Variants in GRB14 observed in about 807,000 individuals in gnomAD.
GRB14 encodes the protein growth factor receptor-bound protein 14.
A neutral mutation model predicts 69.1 loss-of-function variants in GRB14; 38 were observed. The ratio of observed to expected loss-of-function variants is 0.55; its 90% CI spans 0.42 to 0.72. GRB14 has a LOEUF of 0.72. Among genes scored for constraint, GRB14 ranks in the 30% least tolerant of loss-of-function variants. GRB14 has a pLI of 0.00. For missense variants in GRB14, 666 were observed against 666.1 expected (o/e 1.00, Z 0.00); for synonymous variants, 247 against 241.3 (o/e 1.02, Z -0.22).
chr2:164,537,667 T>C (rs1688112961), intron 3 of GRB14, among the ~76,000 whole-genome samples: 1 of 152,174 alleles, frequency 6.6e-6, no homozygotes, highest in African/African-American at 2.4e-5. Context: ...CCTGAATTCA[T>C]GTAGCCGAGG....
intron 2 of GRB14, among the ~76,000 whole-genome samples, chr2:164,572,312 C>T (rs1177805104): frequency 6.6e-6 from 1 of 152,206 alleles, no homozygotes; most frequent in East Asian, 1.9e-4. Flanking sequence ...TTCAACGAAG[C>T]TCCCAAAAGC....
chr2:164,556,041 AAC>A (rs1372159527), intron 2 of GRB14, among the ~76,000 whole-genome samples: 1 of 152,178 alleles, frequency 6.6e-6, no homozygotes, highest in Non-Finnish European at 1.5e-5. Context: ...ATAAATAAGA[AAC>A]ACAGTGTCCT....
chr2:164,512,028 CAG>C (rs1366229166), intron 6 of GRB14, among the ~76,000 whole-genome samples: 1 of 152,098 alleles, frequency 6.6e-6, no homozygotes, highest in Non-Finnish European at 1.5e-5. Context: ...TAATAGTGGC[CAG>C]AGGTGAGGCT....
intron 2 of GRB14, among the ~76,000 whole-genome samples, chr2:164,553,461 G>A (rs1235308515): frequency 6.7e-6 from 1 of 150,234 alleles, no homozygotes; most frequent in African/African-American, 2.5e-5. Flanking sequence ...TCCATTTCAA[G>A]CCCTTATTTT....
At chr2:164,582,924 C>T (rs952926747) in intron 2 of GRB14, among the ~76,000 whole-genome samples, 1 of 151,992 alleles carries the variant, frequency 6.6e-6, no homozygotes, top group Non-Finnish European at 1.5e-5. Flanking sequence ...GTCTTTATGC[C>T]CTCTCCCTTC....
chr2:164,576,173 C>T (rs182088174), intron 2 of GRB14, among the ~76,000 whole-genome samples: 363 of 150,814 alleles, frequency 2.4e-3, no homozygotes, highest in Middle Eastern at 0.01. Flanking sequence ...GTCTCGGTGT[C>T]ATATAGTACA....
chr2:164,569,609 C>A (rs1158016235), intron 2 of GRB14, among the ~76,000 whole-genome samples: 1 of 152,160 alleles, frequency 6.6e-6, no homozygotes, highest in East Asian at 1.9e-4. Context: ...TTGACTGCTA[C>A]TAGGCAGTGT....
chr2:164,596,707 G>A (rs1689790456), intron 2 of GRB14, among the ~76,000 whole-genome samples: 1 of 152,136 alleles, frequency 6.6e-6, no homozygotes, highest in Admixed American at 6.5e-5. Flanking sequence ...GGAATAATAT[G>A]TTCTTCAACT....
intron 2 of GRB14, among the ~76,000 whole-genome samples, chr2:164,588,264 G>C (rs916877375): frequency 2.6e-5 from 4 of 152,142 alleles, no homozygotes; most frequent in Non-Finnish European, 5.9e-5. Context: ...CCCAGCCAAG[G>C]GTGGGAAAGA....
chr2:164,566,783 G>A (rs1046773249), intron 2 of GRB14, among the ~76,000 whole-genome samples: 1 of 151,828 alleles, frequency 6.6e-6, no homozygotes, highest in African/African-American at 2.4e-5. Flanking sequence ...AAAATATTTG[G>A]TTCACAGAAT....
At chr2:164,593,403 T>C (rs116306317) in intron 2 of GRB14, among the ~76,000 whole-genome samples, 2,314 of 152,280 alleles carry the variant, frequency 0.015, 62 homozygotes, top group African/African-American at 0.053. Flanking sequence ...GAGAATGAAT[T>C]GGAACTCTTA....
chr2:164,563,065 T>C (rs1401717006), intron 2 of GRB14, among the ~76,000 whole-genome samples: 1 of 152,122 alleles, frequency 6.6e-6, no homozygotes, highest in Non-Finnish European at 1.5e-5. Flanking sequence ...CAATGCCCAC[T>C]ACCACTTCAC....
rs78993240 is a variant in GRB14, at chr2:164,538,857, T to C, written c.481+8803A>G. On this transcript the variant is annotated intron_variant, in intron 3 of 13. Coordinates refer to ENST00000263915, the MANE Select transcript of GRB14 (RefSeq NM_004490.3). ...TATCTGGCTCTGCTATAAGGTGAAC[T>C]GGGTTGGCTCAGTTCAATCTCAGTA... is the stretch of plus-strand genomic sequence containing the variant. Among the ~76,000 whole-genome samples the C allele has an allele frequency of 6.6e-3, 1,010 of 152,234 alleles. 11 individuals are homozygous for C. The highest frequency in any genetic ancestry group is 0.023 in the African/African-American group (973 of 41,532).
intron 2 of GRB14, among the ~76,000 whole-genome samples, chr2:164,560,734 T>C (rs1688803509): frequency 6.6e-6 from 1 of 152,080 alleles, no homozygotes; most frequent in African/African-American, 2.4e-5. Flanking sequence ...ATAATTTCAG[T>C]TTTCAAACTG....
chr2:164,538,962 G>A (rs1227858827), intron 3 of GRB14, among the ~76,000 whole-genome samples: 1 of 152,080 alleles, frequency 6.6e-6, no homozygotes, highest in African/African-American at 2.4e-5. Context: ...GCATTCCTGA[G>A]AGAGATGTAG....
At chr2:164,563,648 G>A (rs1688890991) in intron 2 of GRB14, among the ~76,000 whole-genome samples, 1 of 152,218 alleles carries the variant, frequency 6.6e-6, no homozygotes, top group Admixed American at 6.5e-5. Flanking sequence ...AAGGAGTTCA[G>A]TTGCCTGAGG....
intron 2 of GRB14, among the ~76,000 whole-genome samples, chr2:164,576,839 A>G (rs988718632): frequency 1.1e-4 from 17 of 151,936 alleles, no homozygotes; most frequent in Non-Finnish European, 7.4e-5. Context: ...AAAAAAGGTA[A>G]AATGATAAAA....
intron 3 of GRB14, among the ~76,000 whole-genome samples, chr2:164,533,789 T>C (rs927818979): frequency 4.6e-5 from 7 of 152,194 alleles, no homozygotes; most frequent in Non-Finnish European, 7.3e-5. Context: ...TCCCAGCTAC[T>C]CAGGAGTCTG....
intron 2 of GRB14, among the ~76,000 whole-genome samples, chr2:164,561,703 C>A (rs61437868): frequency 0.021 from 3,232 of 152,234 alleles, 110 homozygotes; most frequent in African/African-American, 0.074. Context: ...GTGCTTTGGC[C>A]AAGACACTTA....
Sources: allele counts gnomAD v4.1 joint callset (sites outside exome capture counted in the v4.1 genomes callset), GRCh38; gene constraint gnomAD v4.1.1; transcripts MANE v1.5; gene names NCBI Gene and HGNC (gene_info 2026-07-23, HGNC 2026-07-21).